Variants in GNPTAB observed in about 807,000 individuals in gnomAD.
GNPTAB encodes the protein N-acetylglucosamine-1-phosphotransferase subunits alpha/beta.
A neutral mutation model predicts 136.6 loss-of-function variants in GNPTAB; 92 were observed. The observed-to-expected ratio is 0.67, with a 90% CI of 0.57 to 0.80. The LOEUF (loss-of-function observed/expected upper bound fraction) is 0.80. GNPTAB is among the 30% of genes least tolerant of loss of function. The probability of loss-of-function intolerance (pLI) is 0.00; values close to 1 mark genes in which losing one functional copy is unlikely to be tolerated. For synonymous variants in GNPTAB, 512 were observed against 535.1 expected, an observed-to-expected ratio of 0.96 and a Z score of 0.60; for missense variants, 1,343 against 1,501.8, an observed-to-expected ratio of 0.89 and a Z score of 1.75.
chr12:101,801,966 T>TGG (rs1869663761), intron 1 of GNPTAB, among the ~76,000 whole-genome samples: 1 of 151,920 alleles, frequency 6.6e-6, no homozygotes, highest in Non-Finnish European at 1.5e-5. Flanking sequence ...GGCTGGAGGA[T>TGG]GGCTTGAAGT....
At position 101,757,609 on chromosome 12, in the gene GNPTAB, T is replaced by C. The variant is rs1328423536; in HGVS notation, c.3298A>G (p.Lys1100Glu). 1.3e-6 allele frequency: 2 copies of C among 1,587,654 alleles called. No homozygotes were observed. The highest frequency in any genetic ancestry group is 1.7e-6 in the Non-Finnish European group (2 of 1,156,146). ...TTGTCCTTATATGCTTTGTGGATTT[T>C]GTCAGTTACTGGTTTACAGTTTGTT... ...LVTNCKPVTD[K>E]IHKAYKDKNK... The change falls in exon 17 of 21, where the codon AAA (lysine) becomes GAA (glutamate). Residue 1100 changes from lysine (K) to glutamate (E), a missense_variant. Coordinates refer to ENST00000299314, the MANE Select transcript of GNPTAB (RefSeq NM_024312.5).
At chr12:101,829,478 C>G (rs975470166) in intron 1 of GNPTAB, among the ~76,000 whole-genome samples, 7 of 152,098 alleles carry the variant, frequency 4.6e-5, no homozygotes, top group Admixed American at 1.3e-4. Flanking sequence ...GAGCAAGACT[C>G]TGTCTCAAAA....
chr12:101,762,404 T>C (rs989400399), intron 13 of GNPTAB, among the ~76,000 whole-genome samples: 3 of 152,198 alleles, frequency 2.0e-5, no homozygotes, highest in African/African-American at 7.2e-5. Context: ...TGTATACTGT[T>C]TGTGGAAATA....
chr12:101,754,496 A>C (rs1212880081), intron 18 of GNPTAB, among the ~76,000 whole-genome samples: 1 of 152,146 alleles, frequency 6.6e-6, no homozygotes, highest in Non-Finnish European at 1.5e-5. Context: ...ACAAAGAAAA[A>C]TCATGTAAAT....
chr12:101,767,975 A>G (rs1566076152), intron 11 of GNPTAB, 62 bp downstream of exon 11: 1 of 1,541,032 alleles, frequency 6.5e-7, no homozygotes, highest in South Asian at 1.1e-5. Context: ...CACATGTTCA[A>G]TAATGATTAA....
chr12:101,796,230 A>T lies in GNPTAB; in HGVS notation c.203+447T>A, dbSNP rs1397983579. On this transcript the variant is annotated intron_variant, in intron 2 of 20. Transcript: ENST00000299314. ...AGTAGCCACCTGGTTTCCTCATCCT[A>T]CAGGGGGATGAAATTCCCTTTACCT... The T allele has an allele frequency of 1.6e-5, 11 of 702,478 alleles. No homozygotes were observed. The East Asian group carries it at 2.7e-4, about 17-fold the overall frequency. The allele number at this position is 702,478 out of a possible 1,614,324, so 43.5% of individuals were successfully genotyped here.
rs1230685998 is a variant in GNPTAB, at chr12:101,764,600, T to G, written c.2317A>C (p.Ser773Arg). ...VAPQEKQVHKSILPNSLGVSE... is the reference protein window; with the variant it reads ...VAPQEKQVHKRILPNSLGVSE... Reference sequence around the variant, plus strand: ...ACTCCTAAGCTGTTTGGCAAGATGCTTTTATGAACCTGTTTTTCCTGTGGA... The same window carrying G: ...ACTCCTAAGCTGTTTGGCAAGATGCGTTTATGAACCTGTTTTTCCTGTGGA... Residue 773 changes from serine to arginine, a missense_variant, in exon 13 of 21, where the codon AGC becomes CGC. By Grantham distance (110) the Ser-to-Arg change is moderately radical. Transcript: ENST00000299314. 7 of 1,613,970 alleles carry G rather than the reference T, an allele frequency of 4.3e-6. No homozygotes were observed. The East Asian group carries it at 1.3e-4, about 31-fold the overall frequency.
chr12:101,811,120 A>C (rs540049210), intron 1 of GNPTAB, among the ~76,000 whole-genome samples: 1 of 152,336 alleles, frequency 6.6e-6, no homozygotes, highest in East Asian at 1.9e-4. Context: ...AACCAAGTCC[A>C]ACCCCAATCA....
intron 1 of GNPTAB, among the ~76,000 whole-genome samples, chr12:101,812,104 G>T (rs1870271095): frequency 6.6e-6 from 1 of 151,930 alleles, no homozygotes; most frequent in South Asian, 2.1e-4. Context: ...AAAATGCTGG[G>T]CGTGGTGGCA....
rs751562008 is a variant in GNPTAB, at chr12:101,749,158, G to A, written c.3636C>T (p.Thr1212=). Residue 1212 remains threonine, a synonymous_variant, in exon 20 of 21, where the codon ACC becomes ACT. Transcript: ENST00000299314. ...TAATCAATGTTGCTAGTACACAATG[G>A]GTCCAAAACTTCAATTTGTCTCGAT... The part of the protein sequence containing the change: ...RAYRDKLKFW[T]HCVLATLIMF... 2 of 1,612,218 alleles carry A rather than the reference G, an allele frequency of 1.2e-6. No individual in the cohort carries two copies. The highest frequency in any genetic ancestry group is 1.7e-5 in the Admixed American group (1 of 59,992).
At chr12:101,749,286 G>C (rs1952781753) in intron 19 of GNPTAB, 95 bp from the exon 20 acceptor site, 1 of 789,770 alleles carries the variant, frequency 1.3e-6, no homozygotes, top group African/African-American at 1.7e-5. Context: ...TAAAAACAAT[G>C]TTGGGAAACA....
At chr12:101,771,349 T>C (rs1372214197) in intron 7 of GNPTAB, among the ~76,000 whole-genome samples, 192 bp from the exon 8 acceptor site, 1 of 151,988 alleles carries the variant, frequency 6.6e-6, no homozygotes, top group Non-Finnish European at 1.5e-5. Context: ...GTTCAAGCGA[T>C]TCTCCTGCCT....
At chr12:101,757,157 G>A in intron 18 of GNPTAB, 55 bp downstream of exon 18, 2 of 953,634 alleles carry the variant, frequency 2.1e-6, no homozygotes, top group Non-Finnish European at 1.7e-6. Flanking sequence ...CTTCTTTCCA[G>A]TCCTTTTATT....
At chr12:101,814,301 A>G (rs1870397745) in intron 1 of GNPTAB, among the ~76,000 whole-genome samples, 1 of 147,824 alleles carries the variant, frequency 6.8e-6, no homozygotes, top group Non-Finnish European at 1.5e-5. Context: ...CCCTGTCTTG[A>G]AAAAAAAAAA....
chr12:101,759,560 TAATCTATACTCTTTC>T (rs1442864943), intron 16 of GNPTAB, among the ~76,000 whole-genome samples: 1 of 152,222 alleles, frequency 6.6e-6, no homozygotes, highest in Non-Finnish European at 1.5e-5. Context: ...ATGTCTCTTA[TAATCTATACTCTTTC>T]AATTATTTCA....
intron 1 of GNPTAB, among the ~76,000 whole-genome samples, chr12:101,808,612 A>G (rs1344461564): frequency 6.6e-6 from 1 of 152,184 alleles, no homozygotes; most frequent in Non-Finnish European, 1.5e-5. Context: ...CACCAAAAGT[A>G]ACAATCCATA....
intron 2 of GNPTAB, chr12:101,796,234 G>A (rs1869275162): frequency 1.4e-6 from 1 of 702,306 alleles, no homozygotes; most frequent in Non-Finnish European, 2.6e-6. Context: ...CATCCTACAG[G>A]GGGATGAAAT....
In GNPTAB at chr12:101,757,218, T is replaced by C. The variant is rs1952913656; in HGVS notation, c.3428A>G (p.Asn1143Ser). ...TATATATAAAAATCAGTACCTAGGG[T>C]TTTTTCTTATGTCATCCAACTGGCC... ...VVGQLDDIRKNPRKFVCLNDN... is the reference protein window; with the variant it reads ...VVGQLDDIRKSPRKFVCLNDN... Residue 1143 changes from asparagine to serine, a missense_variant, in exon 18 of 21, where the codon AAC becomes AGC. By Grantham distance (46) the Asn-to-Ser change is conservative. Transcript: ENST00000299314. 6.4e-7 allele frequency: 1 copy of C among 1,555,062 alleles called. No homozygotes were observed. The highest frequency in any genetic ancestry group is 1.7e-5 in the Admixed American group (1 of 59,860).
chr12:101,830,466 G>GA, intron 1 of GNPTAB, 93 bp downstream of exon 1: 1 of 739,128 alleles, frequency 1.4e-6, no homozygotes, highest in Non-Finnish European at 2.4e-6. Flanking sequence ...CTCTAATAAT[G>GA]AAAAAATACA....
Sources: gnomAD v4.1 joint callset for allele counts (sites outside exome capture counted in the v4.1 genomes callset) on GRCh38, gnomAD v4.1.1 for gene constraint, MANE v1.5 for transcripts, NCBI Gene and HGNC (gene_info 2026-07-23, HGNC 2026-07-21) for gene names.